Variants in CDK17 observed in about 807,000 individuals in gnomAD.
CDK17 encodes cyclin dependent kinase 17.
A neutral mutation model predicts 77.6 loss-of-function variants in CDK17; 24 were observed. The ratio of observed to expected loss-of-function variants is 0.31; its 90% CI spans 0.22 to 0.44. CDK17 has a LOEUF of 0.44. Among genes scored for constraint, CDK17 ranks in the 20% least tolerant of loss-of-function variants. The pLI is 1.00. For missense variants in CDK17, 429 were observed against 622.5 expected, an observed-to-expected ratio of 0.69 and a Z score of 3.31; for synonymous variants, 203 against 210.4, an observed-to-expected ratio of 0.96 and a Z score of 0.30.
Position 96,333,148 on chromosome 12 carries a change from G to C in CDK17, c.118+1571C>G, listed in dbSNP as rs556629428. Among the ~76,000 whole-genome samples, 5 of 135,848 alleles carry C rather than the reference G, an allele frequency of 3.7e-5. 1 individual carries two copies. Among genetic ancestry groups the C allele is most frequent in the Admixed American group, 7.0e-5 (1 of 14,270 alleles). The allele number at this position is 135,848 out of a possible 152,430, so 89.1% of individuals were successfully genotyped here. A position where few individuals can be genotyped will look rare whatever the true frequency, so the allele number is the denominator to read the frequency against. On this transcript the variant is annotated intron_variant, in intron 2 of 16. Transcript: ENST00000261211. ...TGCGCTTCCCACCAAAAATTCAATG[G>C]GGGGGGGTCCCACCAAAAATTCAAT...
chr12:96,298,304 C>T lies in CDK17; in HGVS notation c.715+565G>A, dbSNP rs1952441682. Among the ~76,000 whole-genome samples, 3 of 151,704 alleles carry T rather than the reference C, an allele frequency of 2.0e-5. No individual in the cohort carries two copies. In the South Asian group the frequency reaches 6.3e-4, roughly 32 times the overall value. On this transcript the variant is annotated intron_variant, in intron 7 of 16. Transcript: ENST00000261211. Reference sequence around the variant, plus strand: ...TCCCTCTCAAAAAAAAAAAAAAGTTCATGGAAATCAATTTTTTCTTTTATA... The same window carrying T: ...TCCCTCTCAAAAAAAAAAAAAAGTTTATGGAAATCAATTTTTTCTTTTATA...
intron 5 of CDK17, among the ~76,000 whole-genome samples, chr12:96,300,948 A>C (rs993614387): frequency 6.6e-6 from 1 of 152,234 alleles, no homozygotes; most frequent in Admixed American, 6.5e-5. Flanking sequence ...TTTTATTCTA[A>C]GATACCACAG....
chr12:96,361,350 C>T (rs1429724864), intron 1 of CDK17, among the ~76,000 whole-genome samples: 1 of 152,156 alleles, frequency 6.6e-6, no homozygotes, highest in Non-Finnish European at 1.5e-5. Context: ...GTCCTTTGTC[C>T]CTCCTCTTTT....
chr12:96,382,766 T>C (rs895976368), intron 1 of CDK17, among the ~76,000 whole-genome samples: 2 of 152,072 alleles, frequency 1.3e-5, no homozygotes, highest in East Asian at 1.9e-4. Flanking sequence ...AAGCATATCA[T>C]CTTCTCAACA....
chr12:96,366,648 A>C (rs1196992840), intron 1 of CDK17, among the ~76,000 whole-genome samples: 1 of 152,186 alleles, frequency 6.6e-6, no homozygotes, highest in African/African-American at 2.4e-5. Flanking sequence ...TTTATAAATC[A>C]GTCAGATTTT....
chr12:96,346,329 G>C (rs756240761), intron 1 of CDK17, among the ~76,000 whole-genome samples: 2 of 152,088 alleles, frequency 1.3e-5, no homozygotes, highest in Non-Finnish European at 1.5e-5. Flanking sequence ...GCACACGCCT[G>C]TAGTCCCAGC....
intron 1 of CDK17, among the ~76,000 whole-genome samples, chr12:96,393,427 A>G (rs1489312208): frequency 6.7e-6 from 1 of 149,000 alleles, no homozygotes; most frequent in Non-Finnish European, 1.5e-5. Context: ...AAGGAATCCA[A>G]TTTTACTTCA....
At chr12:96,372,313 CAGTT>C (rs1953708211) in intron 1 of CDK17, among the ~76,000 whole-genome samples, 1 of 152,004 alleles carries the variant, frequency 6.6e-6, no homozygotes, top group Admixed American at 6.6e-5. Context: ...CTTATATGGC[CAGTT>C]AATTTCAAAG....
chr12:96,393,745 A>AACACACAC (rs148372281), intron 1 of CDK17, among the ~76,000 whole-genome samples: 7 of 151,990 alleles, frequency 4.6e-5, no homozygotes, highest in Middle Eastern at 3.4e-3. Context: ...AACAAACACA[A>AACACACAC]ACACACACAC....
intron 2 of CDK17, among the ~76,000 whole-genome samples, chr12:96,330,928 A>G (rs1260024869): frequency 6.6e-6 from 1 of 152,036 alleles, no homozygotes; most frequent in East Asian, 1.9e-4. Flanking sequence ...ACTGAGGTAA[A>G]TTAATTTTTG....
At chr12:96,398,102 A>G (rs1419900715) in intron 1 of CDK17, among the ~76,000 whole-genome samples, 1 of 151,290 alleles carries the variant, frequency 6.6e-6, no homozygotes, top group Non-Finnish European at 1.5e-5. Context: ...ATATTTGCAT[A>G]GTAATTTTAC....
At chr12:96,385,759 T>C (rs73368409) in intron 1 of CDK17, among the ~76,000 whole-genome samples, 76 of 152,306 alleles carry the variant, frequency 5.0e-4, no homozygotes, top group African/African-American at 1.8e-3. Context: ...TATATGATTA[T>C]ACATTCTCAC....
At chr12:96,280,992 C>G in intron 15 of CDK17, 107 bp from the exon 16 acceptor site, 1 of 926,900 alleles carries the variant, frequency 1.1e-6, no homozygotes. Context: ...AATATGAAAC[C>G]ATTTTACAAG....
intron 10 of CDK17, among the ~76,000 whole-genome samples, chr12:96,293,357 A>C (rs1482743736): frequency 6.6e-6 from 1 of 152,186 alleles, no homozygotes; most frequent in Non-Finnish European, 1.5e-5. Flanking sequence ...TTTCAATAGA[A>C]GACAACTGGA....
chr12:96,305,410 TTAA>T (rs2137094703), intron 5 of CDK17, among the ~76,000 whole-genome samples: 1 of 152,314 alleles, frequency 6.6e-6, no homozygotes, highest in East Asian at 1.9e-4. Context: ...ATATAAAATG[TTAA>T]TAATATGGTA....
chr12:96,351,674 T>C (rs182015175), intron 1 of CDK17, among the ~76,000 whole-genome samples: 22 of 152,246 alleles, frequency 1.4e-4, no homozygotes, highest in Non-Finnish European at 2.5e-4. Flanking sequence ...AAATTTTGTT[T>C]TGTATATTTT....
chr12:96,315,043 CA>C (rs920888497), intron 3 of CDK17, among the ~76,000 whole-genome samples: 2 of 152,198 alleles, frequency 1.3e-5, no homozygotes, highest in Non-Finnish European at 2.9e-5. Flanking sequence ...AACTGTCTGG[CA>C]CTCAGAAGGT....
intron 1 of CDK17, among the ~76,000 whole-genome samples, chr12:96,344,662 T>A (rs1010919064): frequency 6.6e-6 from 1 of 152,144 alleles, no homozygotes; most frequent in Non-Finnish European, 1.5e-5. Context: ...ATGTTACCAG[T>A]AGACCTACTC....
chr12:96,350,519 A>C (rs540829372), intron 1 of CDK17, among the ~76,000 whole-genome samples: 3 of 152,176 alleles, frequency 2.0e-5, no homozygotes, highest in Non-Finnish European at 4.4e-5. Context: ...TGGTATTGAC[A>C]TAAGAATAGA....
Sources: gnomAD v4.1 joint callset for allele counts (sites outside exome capture counted in the v4.1 genomes callset) on GRCh38, gnomAD v4.1.1 for gene constraint, MANE v1.5 for transcripts, NCBI Gene and HGNC (gene_info 2026-07-23, HGNC 2026-07-21) for gene names.